The following SOS2 variants were observed in gnomAD, a reference collection of about 807,000 sequenced individuals.
SOS2 encodes the protein son of sevenless homolog 2.
Under a neutral mutation model 148.2 loss-of-function variants are expected in SOS2, and 65 were observed. The ratio of observed to expected loss-of-function variants is 0.44; its 90% CI spans 0.36 to 0.54. SOS2 has a LOEUF of 0.54. Ranked by LOEUF, SOS2 falls within the 20% of genes least tolerant of loss-of-function variation. The pLI is 0.00. For missense variants in SOS2, 1,341 were observed against 1,590.2 expected (o/e 0.84, Z 2.67); for synonymous variants, 539 against 537.1 (o/e 1.00, Z -0.05).
chr14:50,146,843 A>G (rs1411590127), intron 14 of SOS2, among the ~76,000 whole-genome samples: 1 of 152,116 alleles, frequency 6.6e-6, no homozygotes, highest in Non-Finnish European at 1.5e-5. Flanking sequence ...AATGCCAAAA[A>G]TGATTTAAGT....
intron 1 of SOS2, among the ~76,000 whole-genome samples, chr14:50,213,406 A>C (rs1201685257): frequency 6.6e-6 from 1 of 152,220 alleles, no homozygotes; most frequent in East Asian, 1.9e-4. Context: ...CAGATTAAAT[A>C]GCATTTATAG....
At chr14:50,156,458 G>C (rs922748534) in intron 12 of SOS2, 1 of 152,230 alleles carries the variant, frequency 6.6e-6, no homozygotes. Flanking sequence ...CCGGCACACA[G>C]TAGTATTTAT....
In SOS2 at chr14:50,130,512, T is replaced by C. The variant is rs1444619560; in HGVS notation, c.3326A>G (p.Asn1109Ser). The C allele has an allele frequency of 1.2e-6, 2 of 1,613,796 alleles. No homozygotes were observed. The highest frequency in any genetic ancestry group is 1.7e-6 in the Non-Finnish European group (2 of 1,179,844). ...DLSVFLDVDL[N>S]SSCGSNSIFA... ...CATCAAATACTTACCACAGGAGCTG[T>C]TGAGATCCACATCTAAAAATACACT... Residue 1109 changes from asparagine (N) to serine (S), a missense_variant, in exon 20 of 23, where the codon AAC (asparagine) becomes AGC (serine). Around this residue, in one of 4 missense-constraint regions of SOS2, gnomAD observed 354 missense variants for 347.7 expected, o/e 1.02. Coordinates refer to ENST00000216373, the MANE Select transcript of SOS2 (RefSeq NM_006939.4).
At chr14:50,212,498 A>T (rs1886908077) in intron 1 of SOS2, among the ~76,000 whole-genome samples, 1 of 152,244 alleles carries the variant, frequency 6.6e-6, no homozygotes, top group Admixed American at 6.5e-5. Context: ...CAAAACAGTG[A>T]ATACCACAAA....
At chr14:50,199,962 C>G in intron 3 of SOS2, 107 bp from the exon 4 acceptor site, 1 of 663,026 alleles carries the variant, frequency 1.5e-6, no homozygotes, top group South Asian at 2.0e-5. Context: ...TTTCTATTAA[C>G]TACATGTCTA....
At chr14:50,126,371 GT>G (rs1883680887) in intron 21 of SOS2, among the ~76,000 whole-genome samples, 2 of 152,004 alleles carry the variant, frequency 1.3e-5, no homozygotes, top group Non-Finnish European at 2.9e-5. Context: ...ATTGACTAAA[GT>G]CTCCCCTTTC....
chr14:50,181,843 A>G (rs1885751023), intron 6 of SOS2, among the ~76,000 whole-genome samples: 1 of 152,058 alleles, frequency 6.6e-6, no homozygotes, highest in Non-Finnish European at 1.5e-5. Context: ...CATTATTTTT[A>G]TAGTCATTTA....
chr14:50,210,020 T>C (rs1348724950), intron 1 of SOS2, among the ~76,000 whole-genome samples: 1 of 152,172 alleles, frequency 6.6e-6, no homozygotes, highest in East Asian at 1.9e-4. Flanking sequence ...CAAGATAATT[T>C]CAACATGTAA....
At chr14:50,216,226 A>G (rs1159346196) in intron 1 of SOS2, among the ~76,000 whole-genome samples, 1 of 151,368 alleles carries the variant, frequency 6.6e-6, no homozygotes, top group Non-Finnish European at 1.5e-5. Flanking sequence ...CCTCCCAAGT[A>G]GCTGGGACTA....
chr14:50,226,295 A>C (rs545132586), intron 1 of SOS2, among the ~76,000 whole-genome samples: 12 of 152,338 alleles, frequency 7.9e-5, no homozygotes, highest in Admixed American at 2.6e-4. Context: ...ATCCAGAAAG[A>C]AGCACAAATG....
At position 50,157,112 on chromosome 14, in the gene SOS2, A is replaced by C; in HGVS notation, c.1944T>G (p.Ile648Met). ...CTGCGTCAGTAGGTTCTGGCTCTGG[A>C]ATTTCAAACCTAAGAAGAAAAGCAA... ...LLSLLIERFEIPEPEPTDADK... is the reference protein window; with the variant it reads ...LLSLLIERFEMPEPEPTDADK... The change falls in exon 12 of 23, where the codon ATT becomes ATG. Residue 648 changes from isoleucine (I) to methionine (M), a missense_variant. This residue lies in a region of SOS2 where 408 missense variants were observed against 506.6 expected (regional missense o/e 0.81). Transcript: ENST00000216373. The C allele has an allele frequency of 6.2e-7, 1 of 1,610,874 alleles. No individual in the cohort carries two copies. The highest frequency in any genetic ancestry group is 8.5e-7 in the Non-Finnish European group (1 of 1,178,210).
At chr14:50,218,584 A>T (rs1223298854) in intron 1 of SOS2, among the ~76,000 whole-genome samples, 2 of 152,122 alleles carry the variant, frequency 1.3e-5, no homozygotes, top group African/African-American at 2.4e-5. Flanking sequence ...TGGGCCAAAG[A>T]TCTGAACAAA....
chr14:50,158,129 T>C (rs573468497), intron 11 of SOS2, among the ~76,000 whole-genome samples: 14 of 152,206 alleles, frequency 9.2e-5, no homozygotes, highest in African/African-American at 3.4e-4. Flanking sequence ...GATGAATAAA[T>C]GGGTTTATTA....
At chr14:50,225,001 T>C (rs1341162347) in intron 1 of SOS2, among the ~76,000 whole-genome samples, 2 of 152,148 alleles carry the variant, frequency 1.3e-5, no homozygotes, top group South Asian at 2.1e-4. Flanking sequence ...CTAGTCCTTA[T>C]ATCTAGATCT....
At position 50,199,828 on chromosome 14, in the gene SOS2, G is replaced by A. The variant is rs1309867315; in HGVS notation, c.373C>T (p.His125Tyr). The A allele has an allele frequency of 5.0e-6, 8 of 1,586,624 alleles. No individual in the cohort carries two copies. Among genetic ancestry groups the A allele is most frequent in the Non-Finnish European group, 6.9e-6 (8 of 1,161,346 alleles). ...ACAGCCACAATATATAGGGATACAT[G>A]GTAGTCCACTTTGTACCCTAATACT... Reference protein sequence around the residue: ...KEVLGYKVDYHVSLYIVAVLE... With the variant: ...KEVLGYKVDYYVSLYIVAVLE... Residue 125 changes from histidine (H) to tyrosine (Y), a missense_variant, in exon 4 of 23, where the codon CAT becomes TAT. By Grantham distance (83) the His-to-Tyr change is moderately conservative. This residue lies in a region of SOS2 where 574 missense variants were observed against 711.1 expected (regional missense o/e 0.81). Transcript: ENST00000216373.
chr14:50,134,068 G>T, intron 19 of SOS2, 55 bp downstream of exon 19: 1 of 888,382 alleles, frequency 1.1e-6, no homozygotes, highest in South Asian at 1.4e-5. Flanking sequence ...GTTAAACATT[G>T]AAAATAATAT....
rs1298605087 is a variant in SOS2 at position 50,145,308 on chromosome 14, A to C, written c.2529T>G (p.Phe843Leu). The C allele has an allele frequency of 1.9e-6, 3 of 1,602,072 alleles. No homozygotes were observed. The highest frequency in any genetic ancestry group is 1.1e-5 in the South Asian group (1 of 88,236). Residue 843 changes from phenylalanine to leucine, a missense_variant, in exon 16 of 23, where the codon TTT becomes TTG. Coordinates refer to ENST00000216373, the MANE Select transcript of SOS2 (RefSeq NM_006939.4). ...FEKCIVEAEN[F>L]EERVAVLSRI... is the part of the protein sequence containing the mutation. Reference sequence around the variant, plus strand: ...TACTTAGTACTGCCACCCGTTCTTCAAAATTTTCTGCTTCCACAATGCATC... The same window carrying C: ...TACTTAGTACTGCCACCCGTTCTTCCAAATTTTCTGCTTCCACAATGCATC...
chr14:50,180,552 A>T lies in SOS2; in HGVS notation c.969+20T>A. ...CTTTATTAAAAAAAAAAAAAAAAAA[A>T]ACCTTCAATTTAAGTTTACCTGAAA... On this transcript the variant is annotated intron_variant, in intron 7 of 22. Transcript: ENST00000216373. The T allele has an allele frequency of 1.8e-6, 2 of 1,085,164 alleles. No individual in the cohort carries two copies. Among genetic ancestry groups the T allele is most frequent in the Non-Finnish European group, 2.7e-6 (2 of 746,814 alleles). 67.2% of individuals were successfully genotyped at this position (1,085,164 alleles called of 1,614,324 possible).
At chr14:50,130,953 A>G (rs1213351820) in intron 19 of SOS2, among the ~76,000 whole-genome samples, 191 bp from the exon 20 acceptor site, 2 of 152,184 alleles carry the variant, frequency 1.3e-5, no homozygotes, top group African/African-American at 4.8e-5. Flanking sequence ...TAATTTTAAA[A>G]TGAATTGGAA....
Sources: allele counts gnomAD v4.1 joint callset (sites outside exome capture counted in the v4.1 genomes callset), GRCh38; gene constraint gnomAD v4.1.1; regional missense constraint gnomAD v4.1.1; transcripts MANE v1.5; gene names NCBI Gene and HGNC (gene_info 2026-07-23, HGNC 2026-07-21).